C1QTNF7: variants seen among roughly 807,000 people sequenced by gnomAD.
C1QTNF7 encodes C1q and TNF related 7.
In C1QTNF7, 15 loss-of-function variants were observed where a neutral mutation model predicts 19.6. The ratio of observed to expected loss-of-function variants is 0.76; its 90% CI spans 0.51 to 1.18. The LOEUF (loss-of-function observed/expected upper bound fraction) is 1.18. Ranked by LOEUF, C1QTNF7 falls within the 50% of genes most tolerant of loss-of-function variation. The pLI is 0.00. For missense variants in C1QTNF7, 324 were observed against 359.7 expected, an observed-to-expected ratio of 0.90 and a Z score of 0.80; for synonymous variants, 142 against 137.5, an observed-to-expected ratio of 1.03 and a Z score of -0.23.
intron 1 of C1QTNF7, among the ~76,000 whole-genome samples, chr4:15,359,138 G>T (rs1406895118): frequency 6.6e-6 from 1 of 152,110 alleles, no homozygotes; most frequent in Non-Finnish European, 1.5e-5. Context: ...GCATGAGGAA[G>T]GTCAGGTGCT....
At chr4:15,366,422 G>T (rs1429975857) in intron 1 of C1QTNF7, among the ~76,000 whole-genome samples, 2 of 152,184 alleles carry the variant, frequency 1.3e-5, no homozygotes, top group African/African-American at 2.4e-5. Flanking sequence ...GAATGGAATG[G>T]TATGGCACAT....
upstream of C1QTNF7, among the ~76,000 whole-genome samples, chr4:15,424,408 A>C (rs1252506140): frequency 6.6e-6 from 1 of 152,182 alleles, no homozygotes; most frequent in Admixed American, 6.5e-5. Flanking sequence ...TCCTGGCTCC[A>C]ATGTCTGCTA....
In C1QTNF7 at chr4:15,350,239, G is replaced by A. The variant is rs1401709806; in HGVS notation, c.13+10032G>A. 4.7e-4 allele frequency among the ~76,000 whole-genome samples: 60 copies of A among 127,424 alleles called. 1 individual carries two copies. Among genetic ancestry groups the A allele is most frequent in the African/African-American group, 1.7e-3 (57 of 33,690 alleles). The allele number at this position is 127,424 out of a possible 152,430, so 83.6% of individuals were successfully genotyped here. The stretch of plus-strand genomic sequence containing the variant: ...GGAGGGAAGGAAGGAGGAAAGAAGG[G>A]AGGGAGGGAGGGAAGGAGAGAGGGA... On this transcript the variant is annotated intron_variant, in intron 1 of 2. Transcript: ENST00000295297.
intron 1 of C1QTNF7, among the ~76,000 whole-genome samples, chr4:15,378,620 A>G (rs1718031500): frequency 1.3e-5 from 2 of 152,272 alleles, no homozygotes; most frequent in South Asian, 4.1e-4. Flanking sequence ...GTTGGAGGAG[A>G]TAAGAACCAC....
intron 1 of C1QTNF7, among the ~76,000 whole-genome samples, chr4:15,341,149 A>AAG (rs1716523052): frequency 6.6e-6 from 1 of 152,212 alleles, no homozygotes; most frequent in Non-Finnish European, 1.5e-5. Context: ...TCCTTCACGC[A>AAG]CACAAGCGTG....
intron 1 of C1QTNF7, among the ~76,000 whole-genome samples, chr4:15,433,077 C>T (rs934538339): frequency 1.1e-4 from 17 of 152,166 alleles, no homozygotes; most frequent in African/African-American, 3.6e-4. Context: ...TCCAAATCAA[C>T]TTCTCTGCAG....
chr4:15,383,479 G>A (rs1718222654), intron 1 of C1QTNF7, among the ~76,000 whole-genome samples: 1 of 152,130 alleles, frequency 6.6e-6, no homozygotes, highest in Non-Finnish European at 1.5e-5. Flanking sequence ...CCAGTCACTA[G>A]GCAGAAAACA....
At chr4:15,435,192 T>A (rs896933367) in intron 1 of C1QTNF7, among the ~76,000 whole-genome samples, 2 of 152,212 alleles carry the variant, frequency 1.3e-5, no homozygotes, top group Admixed American at 1.3e-4. Context: ...TATTTTTTAA[T>A]GTCACACATA....
intron 1 of C1QTNF7, among the ~76,000 whole-genome samples, chr4:15,422,391 G>C (rs973951287): frequency 6.6e-6 from 1 of 151,976 alleles, no homozygotes; most frequent in Non-Finnish European, 1.5e-5. Flanking sequence ...TAAATCAAGA[G>C]GTGAGGAAGG....
chr4:15,424,259 T>A (rs770670168), upstream of C1QTNF7, among the ~76,000 whole-genome samples: 4 of 152,250 alleles, frequency 2.6e-5, no homozygotes, highest in Admixed American at 6.5e-5. Context: ...CAGGATATGC[T>A]GTACCCTTTC....
chr4:15,412,351 G>C (rs1050365198), intron 1 of C1QTNF7, among the ~76,000 whole-genome samples: 2 of 146,524 alleles, frequency 1.4e-5, no homozygotes, highest in African/African-American at 5.0e-5. Flanking sequence ...TGGGAAAATT[G>C]TCTTCCATGA....
At chr4:15,433,080 C>A (rs1464036812) in intron 1 of C1QTNF7, among the ~76,000 whole-genome samples, 2 of 152,176 alleles carry the variant, frequency 1.3e-5, no homozygotes, top group East Asian at 1.9e-4. Flanking sequence ...AAATCAACTT[C>A]TCTGCAGTTG....
At chr4:15,361,759 C>G (rs1028906176) in intron 1 of C1QTNF7, among the ~76,000 whole-genome samples, 4 of 152,064 alleles carry the variant, frequency 2.6e-5, no homozygotes, top group Non-Finnish European at 5.9e-5. Flanking sequence ...AGATGTCTTC[C>G]CAAATCCCTA....
At chr4:15,370,287 G>T (rs963473410) in intron 1 of C1QTNF7, among the ~76,000 whole-genome samples, 3 of 152,160 alleles carry the variant, frequency 2.0e-5, no homozygotes, top group Non-Finnish European at 4.4e-5. Context: ...AAACTGAGAA[G>T]AACAAGCTTG....
At chr4:15,422,090 A>G (rs1052451391) in intron 1 of C1QTNF7, among the ~76,000 whole-genome samples, 2 of 152,028 alleles carry the variant, frequency 1.3e-5, no homozygotes, top group African/African-American at 4.8e-5. Context: ...AATGCTCTGT[A>G]TCTCTTTTTT....
chr4:15,343,006 T>G (rs1325811419), intron 1 of C1QTNF7, among the ~76,000 whole-genome samples: 1 of 152,142 alleles, frequency 6.6e-6, no homozygotes, highest in Non-Finnish European at 1.5e-5. Flanking sequence ...ATTCTGAGGA[T>G]TAAATTAGAG....
intron 1 of C1QTNF7, among the ~76,000 whole-genome samples, chr4:15,392,936 C>T (rs1383252405): frequency 6.6e-6 from 1 of 152,164 alleles, no homozygotes; most frequent in East Asian, 1.9e-4. Flanking sequence ...AGACCCTGAG[C>T]TGGTCTGGGA....
At chr4:15,416,862 C>T (rs61047665) in intron 1 of C1QTNF7, among the ~76,000 whole-genome samples, 4 of 152,270 alleles carry the variant, frequency 2.6e-5, no homozygotes, top group East Asian at 3.9e-4. Flanking sequence ...AAGTCAGAGG[C>T]TTCAGTTGAA....
At chr4:15,356,984 A>G (rs1316024786) in intron 1 of C1QTNF7, among the ~76,000 whole-genome samples, 1 of 120,224 alleles carries the variant, frequency 8.3e-6, no homozygotes, top group South Asian at 2.6e-4. Flanking sequence ...TTCCTTGTAT[A>G]TTCTGGATTT....
Sources: gnomAD v4.1 joint callset for allele counts (sites outside exome capture counted in the v4.1 genomes callset) on GRCh38, gnomAD v4.1.1 for gene constraint, MANE v1.5 for transcripts, NCBI Gene and HGNC (gene_info 2026-07-23, HGNC 2026-07-21) for gene names.